AGAP1: variants seen among roughly 807,000 people sequenced by gnomAD.
AGAP1 encodes arf-GAP with GTPase, ANK repeat and PH domain-containing protein 1.
AGAP1 carries 29 observed loss-of-function variants against 105.3 expected under a neutral mutation model. The ratio of observed to expected loss-of-function variants is 0.28; its 90% CI spans 0.21 to 0.38. AGAP1 has a LOEUF of 0.38. AGAP1 is among the 10% of genes least tolerant of loss of function. AGAP1 has a pLI of 1.00. For missense variants in AGAP1, 998 were observed against 1,165.1 expected, an observed-to-expected ratio of 0.86 and a Z score of 2.09; for synonymous variants, 509 against 485.9, an observed-to-expected ratio of 1.05 and a Z score of -0.63.
chr2:235,744,788 G>A lies in AGAP1; in HGVS notation c.487G>A (p.Ala163Thr), dbSNP rs1266187507. The change falls in exon 5 of 18, where the codon GCC becomes ACC. Residue 163 changes from alanine to threonine, a missense_variant. By Grantham distance (58) the Ala-to-Thr change is moderately conservative. This residue lies in a region of AGAP1 where 735 missense variants were observed against 833.4 expected (regional missense o/e 0.88). Transcript: ENST00000304032. The surrounding 1 kb of genome is among the most constrained non-coding windows in gnomAD (Gnocchi z 5.2). ...CGTTTACCACTACTACAGTCGAATGGCCAACTATCGGAACACGAGCGAGAT... is the reference window on the plus strand; with the variant it reads ...CGTTTACCACTACTACAGTCGAATGACCAACTATCGGAACACGAGCGAGAT... ...QTVYHYYSRM[A>T]NYRNTSEIPL... 1.2e-6 allele frequency: 2 copies of A among 1,614,016 alleles called. No homozygotes were observed. The highest frequency in any genetic ancestry group is 1.7e-5 in the Admixed American group (1 of 60,000).
intron 12 of AGAP1, among the ~76,000 whole-genome samples, chr2:235,950,049 A>C (rs114972859): frequency 0.023 from 3,485 of 152,134 alleles, 143 homozygotes; most frequent in African/African-American, 0.079. Context: ...TTGCTGGGAG[A>C]TGCTTGGGCA....
rs926245712 is a variant in AGAP1 at position 235,559,775 on chromosome 2, A to G, written c.163+64926A>G. ...TTTAAATATGCTTATCTTAAAGCAT[A>G]TTTATATATTTGTATATCTTAGGAG... On this transcript the variant is annotated intron_variant, in intron 1 of 17. Coordinates refer to ENST00000304032, the MANE Select transcript of AGAP1 (RefSeq NM_001037131.3). This position sits in a 1 kb window ranked among gnomAD's most constrained non-coding sequence, Gnocchi z 5.7. 4.0e-5 allele frequency among the ~76,000 whole-genome samples: 6 copies of G among 151,496 alleles called. No homozygotes were observed. The highest frequency in any genetic ancestry group is 1.5e-4 in the African/African-American group (6 of 41,198).
chr2:235,806,177 C>A (rs1957824966), intron 8 of AGAP1, among the ~76,000 whole-genome samples: 3 of 152,288 alleles, frequency 2.0e-5, no homozygotes, highest in Admixed American at 1.3e-4. Flanking sequence ...ATTCCATTAG[C>A]TTTTCATTGT....
chr2:235,932,268 C>T (rs567611827), intron 12 of AGAP1, among the ~76,000 whole-genome samples: 211 of 152,222 alleles, frequency 1.4e-3, no homozygotes, highest in African/African-American at 4.9e-3. Flanking sequence ...CATGAGCCTC[C>T]GTTTTCTTAT....
intron 13 of AGAP1, among the ~76,000 whole-genome samples, chr2:236,008,013 T>G (rs1285036547): frequency 1.3e-5 from 2 of 152,282 alleles, no homozygotes; most frequent in Non-Finnish European, 2.9e-5. Context: ...AAAACTAATT[T>G]GAACCTCATT....
At chr2:236,024,063 C>CT (rs1404775926) in intron 13 of AGAP1, among the ~76,000 whole-genome samples, 7 of 130,354 alleles carry the variant, frequency 5.4e-5, no homozygotes, top group African/African-American at 2.1e-4. Context: ...GACAGTCTCA[C>CT]TTTGTCACCC....
intron 1 of AGAP1, among the ~76,000 whole-genome samples, chr2:235,672,734 A>T (rs1297281502): frequency 6.6e-6 from 1 of 152,226 alleles, no homozygotes; most frequent in East Asian, 1.9e-4. Context: ...TGTATCAGAG[A>T]GAGAAAGAAA....
chr2:235,626,116 A>G (rs1318251906), intron 1 of AGAP1, among the ~76,000 whole-genome samples: 1 of 151,960 alleles, frequency 6.6e-6, no homozygotes, highest in Non-Finnish European at 1.5e-5. Context: ...TGGGAGGCCG[A>G]GGCAGGTGGA....
At chr2:235,892,764 C>T (rs2050605635) in intron 10 of AGAP1, among the ~76,000 whole-genome samples, 1 of 152,116 alleles carries the variant, frequency 6.6e-6, no homozygotes, top group Non-Finnish European at 1.5e-5. Flanking sequence ...TAGGATGGAC[C>T]TCAGACTTCT....
intron 1 of AGAP1, among the ~76,000 whole-genome samples, chr2:235,708,132 A>G (rs1950647073): frequency 1.3e-5 from 2 of 152,212 alleles, no homozygotes; most frequent in African/African-American, 4.8e-5. Flanking sequence ...GTGTTTCTTA[A>G]CTTTTAGGCA....
Position 235,801,805 on chromosome 2 carries a change from A to G in AGAP1, c.957+2283A>G, listed in dbSNP as rs77585311. ...GTTAAGGGAGTGGAAGGGGGAGAGC[A>G]CTCATTCTCAGACGCCTTCTGAGGG... On this transcript the variant is annotated intron_variant, in intron 8 of 17. Transcript: ENST00000304032. The surrounding 1 kb of genome is among the most constrained non-coding windows in gnomAD (Gnocchi z 6.0). Among the ~76,000 whole-genome samples, 1 of 151,678 alleles carries G rather than the reference A, an allele frequency of 6.6e-6. No homozygotes were observed. Among genetic ancestry groups the G allele is most frequent in the South Asian group, 2.1e-4 (1 of 4,740 alleles).
At chr2:235,922,604 A>T (rs775520653) in intron 11 of AGAP1, among the ~76,000 whole-genome samples, 1 of 152,226 alleles carries the variant, frequency 6.6e-6, no homozygotes, top group Admixed American at 6.5e-5. Flanking sequence ...TTTGAATGCT[A>T]TGAAAAGCCA....
Position 235,711,101 on chromosome 2 carries a change from T to C in AGAP1, c.222+1864T>C, listed in dbSNP as rs189073306. On this transcript the variant is annotated intron_variant, in intron 2 of 17. Transcript: ENST00000304032. ...ACCACCGCACTGCCTGACAGAACTT[T>C]CTCGACGGTAAAAACCTCCTGCGTC... 1.6e-4 allele frequency among the ~76,000 whole-genome samples: 25 copies of C among 152,274 alleles called. 1 individual carries two copies. In the East Asian group the frequency reaches 2.7e-3, roughly 16 times the overall value.
chr2:235,714,569 T>A lies in AGAP1; in HGVS notation c.223-2988T>A, dbSNP rs1007266524. ...AGCGGGCAGATGAGAGGCGGGAGGG[T>A]TGTAACTGGGGTGTAAGAGGACAGG... On this transcript the variant is annotated intron_variant, in intron 2 of 17. Transcript: ENST00000304032. The surrounding 1 kb of genome is among the most constrained non-coding windows in gnomAD (Gnocchi z 4.1). Among the ~76,000 whole-genome samples, 1 of 148,650 alleles carries A rather than the reference T, an allele frequency of 6.7e-6. No individual in the cohort carries two copies. The highest frequency in any genetic ancestry group is 2.0e-4 in the East Asian group (1 of 5,018).
rs1045074952 is a variant in AGAP1 at position 236,045,116 on chromosome 2, A to G, written c.1892-3943A>G. ...TTTTTTGTAGAGAGGTAGTCTCACT[A>G]TGCTGCCCAGGCTGGTCTTAAACTC... is the stretch of plus-strand genomic sequence containing the variant. On this transcript the variant is annotated intron_variant, in intron 15 of 17. Transcript: ENST00000304032. The surrounding 1 kb of genome is among the most constrained non-coding windows in gnomAD (Gnocchi z 6.9). 5.3e-5 allele frequency among the ~76,000 whole-genome samples: 8 copies of G among 152,144 alleles called. No individual in the cohort carries two copies. The highest frequency in any genetic ancestry group is 1.4e-4 in the African/African-American group (6 of 41,426).
chr2:235,501,502 G>A (rs893362978), intron 1 of AGAP1, among the ~76,000 whole-genome samples: 2 of 152,222 alleles, frequency 1.3e-5, no homozygotes, highest in African/African-American at 4.8e-5. Flanking sequence ...TGTTGGAGGA[G>A]CCTGAAGGAA....
chr2:235,972,994 C>T (rs2054716336), intron 13 of AGAP1, among the ~76,000 whole-genome samples: 2 of 152,264 alleles, frequency 1.3e-5, no homozygotes, highest in South Asian at 4.2e-4. Flanking sequence ...TTCCTAGACT[C>T]CCAGCTAAGC....
rs2057363415 is a variant in AGAP1, at chr2:236,035,826, A to G, written c.1646-735A>G. Among the ~76,000 whole-genome samples the G allele has an allele frequency of 6.6e-6, 1 of 152,126 alleles. No homozygotes were observed. The highest frequency in any genetic ancestry group is 1.5e-5 in the Non-Finnish European group (1 of 68,020). On this transcript the variant is annotated intron_variant, in intron 13 of 17. Coordinates refer to ENST00000304032, the MANE Select transcript of AGAP1 (RefSeq NM_001037131.3). This position sits in a 1 kb window ranked among gnomAD's most constrained non-coding sequence, Gnocchi z 4.2. ...CATGGAACTAGCAGAAAAGCATTAGACAGTCGGTGCCCTTTTCCTTCATTT... is the reference window on the plus strand; with the variant it reads ...CATGGAACTAGCAGAAAAGCATTAGGCAGTCGGTGCCCTTTTCCTTCATTT...
At chr2:235,709,756 C>A (rs1233437600) in intron 2 of AGAP1, among the ~76,000 whole-genome samples, 1 of 152,168 alleles carries the variant, frequency 6.6e-6, no homozygotes, top group Admixed American at 6.5e-5. Flanking sequence ...ACGAACCTTA[C>A]CCTTTCGGTG....
Sources: allele counts gnomAD v4.1 joint callset (sites outside exome capture counted in the v4.1 genomes callset), GRCh38; gene constraint gnomAD v4.1.1; regional missense constraint gnomAD v4.1.1; non-coding constraint Gnocchi (gnomAD v3.1); transcripts MANE v1.5; gene names NCBI Gene and HGNC (gene_info 2026-07-23, HGNC 2026-07-21).